Variants in LYPLAL1 observed in about 807,000 individuals in gnomAD.
LYPLAL1 encodes lysophospholipase like 1, also known as lysophospholipase-like protein 1.
A neutral mutation model predicts 19.7 loss-of-function variants in LYPLAL1; 23 were observed. The observed-to-expected ratio is 1.17, with a 90% CI of 0.84 to 1.65. The LOEUF (loss-of-function observed/expected upper bound fraction) is 1.65. LYPLAL1 is among the 40% of genes most tolerant of loss of function. The pLI, the probability that LYPLAL1 is intolerant of heterozygous loss-of-function variation, is 0.00. For missense variants in LYPLAL1, 355 were observed against 279.4 expected, an observed-to-expected ratio of 1.27 and a Z score of -1.93; for synonymous variants, 119 against 96.3, an observed-to-expected ratio of 1.24 and a Z score of -1.38.
chr1:219,263,511 A>G, the LYPLAL1 span, among the ~76,000 whole-genome samples: 1 of 152,080 alleles, frequency 6.6e-6, no homozygotes, highest in African/African-American at 2.4e-5. Context: ...ATCTCTAGCA[A>G]TTCCTGTTTG....
the LYPLAL1 span, among the ~76,000 whole-genome samples, chr1:219,220,718 C>T: frequency 6.6e-5 from 10 of 152,014 alleles, no homozygotes; most frequent in Non-Finnish European, 1.3e-4. Flanking sequence ...AATTCTAGAT[C>T]CTTGAGAATT....
chr1:219,251,764 C>T, the LYPLAL1 span, among the ~76,000 whole-genome samples: 1 of 151,956 alleles, frequency 6.6e-6, no homozygotes, highest in Non-Finnish European at 1.5e-5. Context: ...TATTCAGGCT[C>T]CTTTTTGGTT....
intron 3 of LYPLAL1, among the ~76,000 whole-genome samples, chr1:219,203,043 T>C (rs1658247166): frequency 6.6e-6 from 1 of 151,700 alleles, no homozygotes; most frequent in African/African-American, 2.4e-5. Context: ...AAATGTAAGA[T>C]TGGAAAAGAA....
At chr1:219,409,216 A>ATT in the LYPLAL1 span, among the ~76,000 whole-genome samples, 1 of 152,166 alleles carries the variant, frequency 6.6e-6, no homozygotes, top group Non-Finnish European at 1.5e-5. Context: ...TGGGAGGTGG[A>ATT]GATGGGCAGA....
Position 219,208,016 on chromosome 1 carries a change from A to C in LYPLAL1, c.362-2516A>C, listed in dbSNP as rs370146751. ...CTCTTCCTCTCTCACATTCTCTCCT[A>C]TTTTAGAGATGTAGTTTTATTATTA... On this transcript the variant is annotated intron_variant, in intron 3 of 4. Transcript: ENST00000366928. 2.1e-3 allele frequency among the ~76,000 whole-genome samples: 319 copies of C among 151,832 alleles called. 2 individuals carry two copies. The highest frequency in any genetic ancestry group is 6.7e-3 in the African/African-American group (277 of 41,422).
At chr1:219,219,278 CCAG>C in the LYPLAL1 span, among the ~76,000 whole-genome samples, 2 of 152,168 alleles carry the variant, frequency 1.3e-5, no homozygotes, top group Non-Finnish European at 2.9e-5. Context: ...AGTTTTCTCT[CCAG>C]AAAGTTTTCC....
the LYPLAL1 span, among the ~76,000 whole-genome samples, chr1:219,432,215 C>A: frequency 6.6e-6 from 1 of 152,098 alleles, no homozygotes; most frequent in Admixed American, 6.5e-5. Context: ...AAATGTTACC[C>A]CCTGCTGGCT....
the LYPLAL1 span, among the ~76,000 whole-genome samples, chr1:219,329,735 T>C: frequency 6.6e-6 from 1 of 152,190 alleles, no homozygotes; most frequent in African/African-American, 2.4e-5. Flanking sequence ...TGATTGGTCT[T>C]AAGAGGAAAT....
the LYPLAL1 span, among the ~76,000 whole-genome samples, chr1:219,433,004 G>T: frequency 6.6e-6 from 1 of 152,146 alleles, no homozygotes; most frequent in Non-Finnish European, 1.5e-5. Context: ...CAGGGCAGGT[G>T]GAGTCTCATC....
intron 3 of LYPLAL1, among the ~76,000 whole-genome samples, chr1:219,196,191 C>T (rs1657588283): frequency 1.3e-5 from 2 of 152,052 alleles, no homozygotes; most frequent in African/African-American, 4.8e-5. Flanking sequence ...GGTGTATACC[C>T]AGTAATGAAA....
the LYPLAL1 span, among the ~76,000 whole-genome samples, chr1:219,311,141 T>G: frequency 1.3e-5 from 2 of 152,184 alleles, no homozygotes; most frequent in African/African-American, 4.8e-5. Context: ...CTAAGAGTTT[T>G]TTTTTTTTTT....
intron 3 of LYPLAL1, among the ~76,000 whole-genome samples, chr1:219,202,980 C>G (rs1053236074): frequency 4.6e-5 from 7 of 152,100 alleles, no homozygotes; most frequent in African/African-American, 7.2e-5. Context: ...ACCACCATGT[C>G]TGGCCCAGGC....
the LYPLAL1 span, among the ~76,000 whole-genome samples, chr1:219,239,156 A>ACTT: frequency 1.3e-5 from 2 of 152,218 alleles, no homozygotes; most frequent in Non-Finnish European, 2.9e-5. Flanking sequence ...TTCAGGATTT[A>ACTT]CTTTGTGTCA....
chr1:219,210,773 A>G, intron 4 of LYPLAL1, 126 bp downstream of exon 4: 3 of 806,464 alleles, frequency 3.7e-6, no homozygotes, highest in Non-Finnish European at 5.4e-6. Flanking sequence ...TGGATTGACC[A>G]TTCCTGGAAT....
the LYPLAL1 span, among the ~76,000 whole-genome samples, chr1:219,289,312 A>G: frequency 2.0e-5 from 3 of 152,126 alleles, no homozygotes; most frequent in Admixed American, 1.3e-4. Flanking sequence ...TGAGAGCTGT[A>G]GTGAGATCAA....
At chr1:219,306,811 T>TAGAG in the LYPLAL1 span, among the ~76,000 whole-genome samples, 3 of 132,488 alleles carry the variant, frequency 2.3e-5, no homozygotes, top group African/African-American at 9.0e-5. Flanking sequence ...CATAGATAGA[T>TAGAG]ATAGATAGAT....
At chr1:219,185,691 C>T (rs953861171) in intron 2 of LYPLAL1, among the ~76,000 whole-genome samples, 1 of 151,800 alleles carries the variant, frequency 6.6e-6, no homozygotes, top group Non-Finnish European at 1.5e-5. Context: ...GTGTGATTGC[C>T]AGGAACTGGA....
At chr1:219,415,159 C>G in the LYPLAL1 span, among the ~76,000 whole-genome samples, 1 of 152,150 alleles carries the variant, frequency 6.6e-6, no homozygotes, top group Admixed American at 6.5e-5. Context: ...TTATCTGTCA[C>G]CACTCTTGGT....
At chr1:219,363,642 A>G in the LYPLAL1 span, among the ~76,000 whole-genome samples, 1 of 152,062 alleles carries the variant, frequency 6.6e-6, no homozygotes, top group Admixed American at 6.6e-5. Flanking sequence ...TCTTCCCAGA[A>G]CCTAGAAGGC....
Sources: gnomAD v4.1 joint callset for allele counts (sites outside exome capture counted in the v4.1 genomes callset) on GRCh38, gnomAD v4.1.1 for gene constraint, MANE v1.5 for transcripts, NCBI Gene and HGNC (gene_info 2026-07-23, HGNC 2026-07-21) for gene names.